The following MSRB3 variants were observed in gnomAD, a reference collection of about 807,000 sequenced individuals.
MSRB3 encodes the protein methionine-R-sulfoxide reductase B3.
A neutral mutation model predicts 21.0 loss-of-function variants in MSRB3; 13 were observed. That is an observed-to-expected ratio of 0.62 (90% confidence interval 0.40 to 0.98). The LOEUF (loss-of-function observed/expected upper bound fraction) is 0.98. Among genes scored for constraint, MSRB3 ranks in the 50% least tolerant of loss-of-function variants. The pLI, the probability that MSRB3 is intolerant of heterozygous loss-of-function variation, is 0.00. For synonymous variants in MSRB3, 87 were observed against 88.6 expected (o/e 0.98, Z 0.10); for missense variants, 199 against 230.3 (o/e 0.86, Z 0.88).
At chr12:65,422,272 A>C (rs1187994437) in intron 5 of MSRB3, among the ~76,000 whole-genome samples, 4 of 151,650 alleles carry the variant, frequency 2.6e-5, no homozygotes, top group Non-Finnish European at 5.9e-5. Flanking sequence ...CCCACACAAT[A>C]GTAGGGTAAG....
chr12:65,299,165 G>C (rs545107062), intron 1 of MSRB3, among the ~76,000 whole-genome samples: 24 of 152,244 alleles, frequency 1.6e-4, no homozygotes, highest in Admixed American at 1.4e-3. Flanking sequence ...TATAGTTATA[G>C]TGCTATTTAT....
At chr12:65,358,117 CATT>C (rs1877495464) in intron 4 of MSRB3, among the ~76,000 whole-genome samples, 2 of 151,602 alleles carry the variant, frequency 1.3e-5, no homozygotes, top group South Asian at 4.2e-4. Context: ...TATTTATTAT[CATT>C]ATTTTTCATT....
intron 5 of MSRB3, among the ~76,000 whole-genome samples, chr12:65,450,125 A>T (rs2136696417): frequency 6.6e-6 from 1 of 152,290 alleles, no homozygotes; most frequent in Non-Finnish European, 1.5e-5. Flanking sequence ...TCTAAAAAAA[A>T]AATCCATTCT....
At chr12:65,408,095 A>G (rs1000392812) in intron 5 of MSRB3, among the ~76,000 whole-genome samples, 21 of 151,434 alleles carry the variant, frequency 1.4e-4, no homozygotes, top group African/African-American at 4.9e-4. Flanking sequence ...GTCTTCTAGT[A>G]TGGCTTTTTG....
rs1883406330 is a variant in MSRB3, at chr12:65,463,153, A to G, written c.391-2A>G. ...CCCTGACGTTTTGTTCTTCTCTTTCAGTGTGGTGCTCACCTTGGGCACATT... is the reference window on the plus strand; with the variant it reads ...CCCTGACGTTTTGTTCTTCTCTTTCGGTGTGGTGCTCACCTTGGGCACATT... On this transcript the variant is annotated splice_acceptor_variant, in intron 6 of 6. Coordinates refer to ENST00000308259, the MANE Select transcript of MSRB3 (RefSeq NM_001031679.3). LOFTEE classifies it high-confidence loss of function. 1 of 1,613,936 alleles carries G rather than the reference A, an allele frequency of 6.2e-7. No individual in the cohort carries two copies. Among genetic ancestry groups the G allele is most frequent in the Non-Finnish European group, 8.5e-7 (1 of 1,180,016 alleles).
chr12:65,408,650 C>G (rs1025000360), intron 5 of MSRB3, among the ~76,000 whole-genome samples: 1 of 152,164 alleles, frequency 6.6e-6, no homozygotes, highest in Non-Finnish European at 1.5e-5. Flanking sequence ...AATTAGGTCT[C>G]CGACTTTCAG....
chr12:65,462,697 C>T (rs929654973), intron 6 of MSRB3, among the ~76,000 whole-genome samples: 1 of 152,152 alleles, frequency 6.6e-6, no homozygotes, highest in African/African-American at 2.4e-5. Context: ...GTTTTACTGC[C>T]CATGAAAGCA....
At chr12:65,434,308 A>G (rs535260739) in intron 5 of MSRB3, among the ~76,000 whole-genome samples, 41 of 151,970 alleles carry the variant, frequency 2.7e-4, no homozygotes, top group Non-Finnish European at 4.6e-4. Flanking sequence ...TCTGTCTCCT[A>G]TAGGATTTGG....
intron 5 of MSRB3, among the ~76,000 whole-genome samples, chr12:65,391,862 G>T (rs1415278685): frequency 6.6e-6 from 1 of 152,156 alleles, no homozygotes; most frequent in Non-Finnish European, 1.5e-5. Context: ...TGAGCCAAGT[G>T]CTAAAAGAAA....
intron 5 of MSRB3, among the ~76,000 whole-genome samples, chr12:65,393,718 GTGTATT>G (rs1190034303): frequency 2.0e-5 from 3 of 151,040 alleles, no homozygotes; most frequent in Non-Finnish European, 4.4e-5. Context: ...ATATGTGTGT[GTGTATT>G]TACCTGTTTA....
chr12:65,389,438 A>G (rs1266810676), intron 5 of MSRB3, among the ~76,000 whole-genome samples: 1 of 152,068 alleles, frequency 6.6e-6, no homozygotes, highest in Non-Finnish European at 1.5e-5. Flanking sequence ...TTTCTCATGT[A>G]AGAACTCCTT....
At chr12:65,310,199 C>T (rs1873906645) in intron 2 of MSRB3, among the ~76,000 whole-genome samples, 1 of 152,026 alleles carries the variant, frequency 6.6e-6, no homozygotes. Flanking sequence ...TATAGAGGCC[C>T]CAACCACTCT....
At chr12:65,415,646 G>A (rs1467667216) in intron 5 of MSRB3, among the ~76,000 whole-genome samples, 1 of 152,130 alleles carries the variant, frequency 6.6e-6, no homozygotes, top group African/African-American at 2.4e-5. Context: ...AGAATTTAGG[G>A]AAATTGGAAT....
intron 4 of MSRB3, among the ~76,000 whole-genome samples, chr12:65,340,626 G>A (rs1876075802): frequency 1.3e-5 from 2 of 152,088 alleles, no homozygotes; most frequent in African/African-American, 4.8e-5. Flanking sequence ...ATGTAGAACT[G>A]TTAAATAAAT....
intron 1 of MSRB3, among the ~76,000 whole-genome samples, chr12:65,290,960 C>T (rs1053701361): frequency 3.9e-5 from 6 of 152,154 alleles, no homozygotes; most frequent in Admixed American, 3.3e-4. Context: ...TACCCAAACC[C>T]CTCAAATTAC....
At chr12:65,371,314 G>C (rs981949164) in intron 5 of MSRB3, among the ~76,000 whole-genome samples, 26 of 129,238 alleles carry the variant, frequency 2.0e-4, no homozygotes, top group African/African-American at 4.5e-4. Context: ...GGCGACAAGA[G>C]CGAGACTCCA....
intron 4 of MSRB3, among the ~76,000 whole-genome samples, chr12:65,349,227 AGGACAT>A (rs1346995981): frequency 2.0e-5 from 3 of 152,112 alleles, no homozygotes; most frequent in Non-Finnish European, 4.4e-5. Context: ...GCCCCTACAA[AGGACAT>A]GAACTCATCA....
At chr12:65,433,725 G>T (rs146291193) in intron 5 of MSRB3, among the ~76,000 whole-genome samples, 28 of 151,954 alleles carry the variant, frequency 1.8e-4, no homozygotes, top group Middle Eastern at 3.4e-3. Context: ...TTTAGTTTCT[G>T]CTTAGGGAAA....
At chr12:65,358,035 G>A (rs1437310948) in intron 4 of MSRB3, among the ~76,000 whole-genome samples, 1 of 151,868 alleles carries the variant, frequency 6.6e-6, no homozygotes, top group South Asian at 2.1e-4. Flanking sequence ...ATCCTTGAAG[G>A]CAGAGTATCT....
Sources: allele counts gnomAD v4.1 joint callset (sites outside exome capture counted in the v4.1 genomes callset), GRCh38; gene constraint gnomAD v4.1.1; transcripts MANE v1.5; gene names NCBI Gene and HGNC (gene_info 2026-07-23, HGNC 2026-07-21).